The following ZFAT variants were observed in gnomAD, a reference collection of about 807,000 sequenced individuals.
ZFAT encodes zinc finger protein ZFAT.
In ZFAT, 64 loss-of-function variants were observed where a neutral mutation model predicts 117.7. That is an observed-to-expected ratio of 0.54 (90% CI 0.44 to 0.67). The LOEUF is 0.67. Ranked by LOEUF, ZFAT falls within the 30% of genes least tolerant of loss-of-function variation. ZFAT has a pLI of 0.00. For missense variants in ZFAT, 1,433 were observed against 1,584.5 expected (o/e 0.90, Z 1.62); for synonymous variants, 679 against 615.0 (o/e 1.10, Z -1.54).
At chr8:134,695,381 C>A (rs376274620) in intron 1 of ZFAT, among the ~76,000 whole-genome samples, 6 of 147,354 alleles carry the variant, frequency 4.1e-5, no homozygotes, top group Non-Finnish European at 7.4e-5. Flanking sequence ...GCCCTCCGTC[C>A]GTAACTAAGG....
chr8:134,637,778 CTCCAAGT>C, intron 2 of ZFAT, 66 bp from the exon 3 acceptor site: 1 of 1,553,274 alleles, frequency 6.4e-7, no homozygotes, highest in Non-Finnish European at 8.7e-7. Context: ...CACAATCACC[CTCCAAGT>C]GTGAGGATAT....
At chr8:134,585,747 C>T (rs1826025816) in intron 9 of ZFAT, among the ~76,000 whole-genome samples, 1 of 152,136 alleles carries the variant, frequency 6.6e-6, no homozygotes, top group Non-Finnish European at 1.5e-5. Flanking sequence ...ATGGCATTCA[C>T]CCCAAGGCGA....
At chr8:134,634,178 G>C (rs1370909294) in intron 3 of ZFAT, among the ~76,000 whole-genome samples, 1 of 152,114 alleles carries the variant, frequency 6.6e-6, no homozygotes, top group Admixed American at 6.5e-5. Context: ...AAAAGCGCTA[G>C]AAAACAGCTT....
the ZFAT span, among the ~76,000 whole-genome samples, chr8:134,775,946 G>A: frequency 6.6e-6 from 1 of 152,188 alleles, no homozygotes; most frequent in Non-Finnish European, 1.5e-5. Flanking sequence ...GGAAGTGAAA[G>A]GATCCATAGC....
the ZFAT span, among the ~76,000 whole-genome samples, chr8:134,770,047 C>A: frequency 6.6e-6 from 1 of 152,204 alleles, no homozygotes; most frequent in African/African-American, 2.4e-5. Context: ...GGCCTTCAGG[C>A]CTGTGATGGG....
intron 2 of ZFAT, among the ~76,000 whole-genome samples, chr8:134,648,126 T>G (rs1427537793): frequency 6.6e-6 from 1 of 151,990 alleles, no homozygotes; most frequent in Non-Finnish European, 1.5e-5. Flanking sequence ...AATATATATG[T>G]ATAACAAATC....
intron 1 of ZFAT, among the ~76,000 whole-genome samples, chr8:134,695,448 C>T (rs1032787030): frequency 3.3e-5 from 5 of 151,050 alleles, no homozygotes; most frequent in East Asian, 2.0e-4. Context: ...CCTCCAGGCC[C>T]GGCCATCTTA....
At chr8:134,697,556 T>G (rs1286954712) in intron 1 of ZFAT, among the ~76,000 whole-genome samples, 7 of 149,570 alleles carry the variant, frequency 4.7e-5, no homozygotes, top group Admixed American at 2.0e-4. Context: ...CGAAACCCCG[T>G]CTCTACTAAA....
At chr8:134,574,393 C>T (rs143359912) in intron 10 of ZFAT, among the ~76,000 whole-genome samples, 103 of 152,068 alleles carry the variant, frequency 6.8e-4, no homozygotes, top group African/African-American at 2.3e-3. Flanking sequence ...CCCAGCCTGG[C>T]GACTTGGCAC....
At chr8:134,807,359 G>C in the ZFAT span, among the ~76,000 whole-genome samples, 1 of 151,890 alleles carries the variant, frequency 6.6e-6, no homozygotes, top group Non-Finnish European at 1.5e-5. Context: ...AGTTTTACTG[G>C]GTTTATAAAA....
intron 11 of ZFAT, among the ~76,000 whole-genome samples, chr8:134,559,408 C>T (rs1823896757): frequency 6.6e-6 from 1 of 152,214 alleles, no homozygotes; most frequent in Non-Finnish European, 1.5e-5. Flanking sequence ...CCTGTAGCCA[C>T]AAAGCATCAT....
chr8:134,579,366 G>A (rs559215676), intron 10 of ZFAT, among the ~76,000 whole-genome samples: 182 of 152,304 alleles, frequency 1.2e-3, no homozygotes, highest in African/African-American at 3.5e-3. Context: ...CCTCACAATC[G>A]TGGTGAAAGG....
chr8:134,519,466 T>C (rs1316560950), intron 13 of ZFAT, among the ~76,000 whole-genome samples: 1 of 152,224 alleles, frequency 6.6e-6, no homozygotes, highest in African/African-American at 2.4e-5. Flanking sequence ...ATATACATAT[T>C]CTTATATTTA....
At chr8:134,513,739 T>A (rs1820036491) in intron 13 of ZFAT, among the ~76,000 whole-genome samples, 1 of 152,132 alleles carries the variant, frequency 6.6e-6, no homozygotes, top group African/African-American at 2.4e-5. Context: ...AAAGAAGGAC[T>A]TCAGACAAAA....
the ZFAT span, among the ~76,000 whole-genome samples, chr8:134,773,707 GA>G: frequency 1.1e-4 from 16 of 152,196 alleles, no homozygotes; most frequent in African/African-American, 3.9e-4. Flanking sequence ...GGATGACTTT[GA>G]AAGGTTCAAG....
At chr8:134,750,383 T>A in the ZFAT span, among the ~76,000 whole-genome samples, 5 of 152,162 alleles carry the variant, frequency 3.3e-5, no homozygotes, top group African/African-American at 4.8e-5. Context: ...AATGTATATA[T>A]AATAGCATCT....
At chr8:134,566,123 G>A (rs528280796) in intron 10 of ZFAT, among the ~76,000 whole-genome samples, 1 of 152,222 alleles carries the variant, frequency 6.6e-6, no homozygotes, top group Non-Finnish European at 1.5e-5. Context: ...GGCCGGGCGC[G>A]GTGGCTCATG....
intron 15 of ZFAT, among the ~76,000 whole-genome samples, chr8:134,506,485 G>A (rs971726355): frequency 6.6e-6 from 1 of 152,150 alleles, no homozygotes; most frequent in Non-Finnish European, 1.5e-5. Flanking sequence ...TCTCAATTAT[G>A]GGCAAAATCT....
intron 15 of ZFAT, among the ~76,000 whole-genome samples, chr8:134,492,049 G>T (rs1174678237): frequency 6.8e-6 from 1 of 148,006 alleles, no homozygotes; most frequent in African/African-American, 2.5e-5. Flanking sequence ...TTTCAGTCAT[G>T]CATGTGTAGG....
Sources: gnomAD v4.1 joint callset for allele counts (sites outside exome capture counted in the v4.1 genomes callset) on GRCh38, gnomAD v4.1.1 for gene constraint, MANE v1.5 for transcripts, NCBI Gene and HGNC (gene_info 2026-07-23, HGNC 2026-07-21) for gene names.